The following SUSD4 variants were observed in gnomAD, a reference collection of about 807,000 sequenced individuals.
SUSD4 encodes the protein sushi domain-containing protein 4.
SUSD4 carries 41 observed loss-of-function variants against 50.5 expected under a neutral mutation model. The ratio of observed to expected loss-of-function variants is 0.81; its 90% CI spans 0.63 to 1.05. The LOEUF is 1.05. Among genes scored for constraint, SUSD4 ranks in the 50% least tolerant of loss-of-function variants. The pLI is 0.00. For synonymous variants in SUSD4, 257 were observed against 257.3 expected (o/e 1.00, Z 0.01); for missense variants, 580 against 634.7 (o/e 0.91, Z 0.93).
At chr1:223,336,470 G>A (rs1373552335) in intron 2 of SUSD4, among the ~76,000 whole-genome samples, 2 of 152,178 alleles carry the variant, frequency 1.3e-5, no homozygotes, top group Non-Finnish European at 2.9e-5. Context: ...CAGAAGTATT[G>A]GAAGTGGCTG....
At chr1:223,340,840 A>G (rs960489905) in intron 2 of SUSD4, among the ~76,000 whole-genome samples, 31 of 152,298 alleles carry the variant, frequency 2.0e-4, no homozygotes, top group African/African-American at 7.2e-4. Flanking sequence ...TTAAATCTCT[A>G]TTGTTTCAGA....
intron 2 of SUSD4, among the ~76,000 whole-genome samples, chr1:223,350,080 A>G (rs1668271779): frequency 6.6e-6 from 1 of 152,208 alleles, no homozygotes; most frequent in Non-Finnish European, 1.5e-5. Flanking sequence ...CAACCCAGGA[A>G]GAGAGCCTTC....
intron 2 of SUSD4, among the ~76,000 whole-genome samples, chr1:223,326,552 AACAG>A (rs377643126): frequency 7.1e-4 from 108 of 152,334 alleles, no homozygotes; most frequent in African/African-American, 2.5e-3. Context: ...AACCAGAGTA[AACAG>A]ACAATCCACA....
At chr1:223,306,223 T>C (rs556779259) in intron 2 of SUSD4, among the ~76,000 whole-genome samples, 9 of 152,186 alleles carry the variant, frequency 5.9e-5, no homozygotes, top group Non-Finnish European at 1.0e-4. Flanking sequence ...CTGATAACAA[T>C]GCTAACTCAT....
At position 223,223,650 on chromosome 1, in the gene SUSD4, T is replaced by C. The variant is rs1264536807; in HGVS notation, c.1062-19A>G. 3.2e-6 allele frequency: 5 copies of C among 1,575,670 alleles called. No individual in the cohort carries two copies. The East Asian group carries it at 1.1e-4, about 36-fold the overall frequency. ...AGGCCCCCTGTGTAAAGGAAAGAAG[T>C]GCCAACATGTGAGAGCCATGCCACT... On this transcript the variant is annotated intron_variant, in intron 7 of 8. Transcript: ENST00000366878.
At chr1:223,269,606 C>T (rs1662766776) in intron 3 of SUSD4, among the ~76,000 whole-genome samples, 1 of 152,192 alleles carries the variant, frequency 6.6e-6, no homozygotes, top group African/African-American at 2.4e-5. Context: ...CTCTTATGAG[C>T]ACATGTCTGT....
At chr1:223,281,262 G>A (rs1009951748) in intron 3 of SUSD4, among the ~76,000 whole-genome samples, 28 of 151,492 alleles carry the variant, frequency 1.8e-4, no homozygotes, top group African/African-American at 6.1e-4. Flanking sequence ...GGAAATAGAG[G>A]CACAAAAAAC....
chr1:223,229,493 T>TAATCCATAAGCAC lies in SUSD4; in HGVS notation c.725-106_725-105insGTGCTTATGGATT. 9.1e-7 allele frequency: 1 copy of TAATCCATAAGCAC among 1,102,272 alleles called. No homozygotes were observed. The highest frequency in any genetic ancestry group is 1.3e-6 in the Non-Finnish European group (1 of 798,496). 68.3% of individuals were successfully genotyped at this position (1,102,272 alleles called of 1,614,324 possible). ...AGGAGAACTCAGTTAAAAATGTGCT[T>TAATCCATAAGCAC]ATGGATTAATCACCAGGCTACTGAG... is the stretch of plus-strand genomic sequence containing the variant. On this transcript the variant is annotated intron_variant, in intron 5 of 8. Transcript: ENST00000366878. This position sits in a 1 kb window ranked among gnomAD's most constrained non-coding sequence, Gnocchi z 4.7.
At chr1:223,317,838 T>TC (rs1558244991) in intron 2 of SUSD4, among the ~76,000 whole-genome samples, 8 of 128,452 alleles carry the variant, frequency 6.2e-5, no homozygotes, top group African/African-American at 2.3e-4. Flanking sequence ...GCCCTTCTTT[T>TC]TTTTTTTTTT....
intron 3 of SUSD4, among the ~76,000 whole-genome samples, chr1:223,277,143 G>T (rs900118008): frequency 6.6e-6 from 1 of 152,088 alleles, no homozygotes; most frequent in African/African-American, 2.4e-5. Context: ...AATTTATAAC[G>T]TAATAATAAT....
chr1:223,270,694 C>T (rs776935457), intron 3 of SUSD4, among the ~76,000 whole-genome samples: 1 of 152,078 alleles, frequency 6.6e-6, no homozygotes. Context: ...CTCAGCCTCC[C>T]GAGCAGCTGG....
intron 5 of SUSD4, among the ~76,000 whole-genome samples, chr1:223,255,846 G>A (rs1331618345): frequency 1.3e-5 from 2 of 152,194 alleles, no homozygotes; most frequent in African/African-American, 2.4e-5. Flanking sequence ...AGCCTGCAGG[G>A]AGCTTGAGGG....
intron 5 of SUSD4, among the ~76,000 whole-genome samples, chr1:223,247,905 G>A (rs1661046252): frequency 6.6e-6 from 1 of 152,174 alleles, no homozygotes; most frequent in African/African-American, 2.4e-5. Context: ...AACATTCAGT[G>A]GAGCCAGTAT....
chr1:223,321,805 AT>A (rs1459272616), intron 2 of SUSD4, among the ~76,000 whole-genome samples: 1 of 152,214 alleles, frequency 6.6e-6, no homozygotes. Context: ...TTATCAAAAT[AT>A]TTTTTAAACA....
At chr1:223,341,987 G>A (rs888465454) in intron 2 of SUSD4, among the ~76,000 whole-genome samples, 1 of 152,156 alleles carries the variant, frequency 6.6e-6, no homozygotes, top group Non-Finnish European at 1.5e-5. Context: ...GAGTGTAAAT[G>A]AGGCAACAGG....
intron 5 of SUSD4, among the ~76,000 whole-genome samples, chr1:223,259,035 T>C (rs1204361607): frequency 6.6e-6 from 1 of 152,164 alleles, no homozygotes; most frequent in African/African-American, 2.4e-5. Flanking sequence ...ATTTAGAACC[T>C]AGCTCTGCCT....
chr1:223,355,356 G>A (rs940377409), intron 2 of SUSD4, among the ~76,000 whole-genome samples: 1 of 151,690 alleles, frequency 6.6e-6, no homozygotes, highest in Non-Finnish European at 1.5e-5. Context: ...TTACAGGCAT[G>A]AGCCACCGTG....
chr1:223,292,352 G>A, intron 3 of SUSD4, 87 bp downstream of exon 3: 2 of 1,416,124 alleles, frequency 1.4e-6, no homozygotes. Flanking sequence ...AGAGCCCAGG[G>A]TATTGAGCTG....
At chr1:223,294,060 T>C (rs1195471910) in intron 2 of SUSD4, among the ~76,000 whole-genome samples, 1 of 152,198 alleles carries the variant, frequency 6.6e-6, no homozygotes, top group African/African-American at 2.4e-5. Context: ...AAGGGAACAA[T>C]GCAAACTCCA....
Sources: gnomAD v4.1 joint callset for allele counts (sites outside exome capture counted in the v4.1 genomes callset) on GRCh38, gnomAD v4.1.1 for gene constraint, Gnocchi (gnomAD v3.1) non-coding constraint, MANE v1.5 for transcripts, NCBI Gene and HGNC (gene_info 2026-07-23, HGNC 2026-07-21) for gene names.